Variants in ST7 observed in about 807,000 individuals in gnomAD.
ST7 encodes the protein suppressor of tumorigenicity 7 protein.
In ST7, 28 loss-of-function variants were observed where a neutral mutation model predicts 78.7. That is an observed-to-expected ratio of 0.36 (90% CI 0.26 to 0.49). ST7 has a LOEUF of 0.49. ST7 is among the 20% of genes least tolerant of loss of function. The pLI, the probability that ST7 is intolerant of heterozygous loss-of-function variation, is 0.99. For missense variants in ST7, 418 were observed against 696.0 expected, an observed-to-expected ratio of 0.60 and a Z score of 4.49; for synonymous variants, 247 against 249.6, an observed-to-expected ratio of 0.99 and a Z score of 0.10.
chr7:117,173,509 G>A (rs1272763883), intron 10 of ST7: 1 of 152,276 alleles, frequency 6.6e-6, no homozygotes, highest in East Asian at 1.9e-4. Flanking sequence ...TATCCCTGCT[G>A]CTTTTCCTGG....
chr7:117,190,872 C>A lies in ST7; in HGVS notation c.1190C>A (p.Thr397Lys). 2 of 1,614,036 alleles carry A rather than the reference C, an allele frequency of 1.2e-6. No homozygotes were observed. The highest frequency in any genetic ancestry group is 1.7e-6 in the Non-Finnish European group (2 of 1,179,994). Residue 397 changes from threonine to lysine, a missense_variant, in exon 12 of 16, where the codon ACA becomes AAA. By Grantham distance (78) the Thr-to-Lys change is moderately conservative. This residue lies in a region of ST7 where 288 missense variants were observed against 537.1 expected (regional missense o/e 0.54). Coordinates refer to ENST00000323984, the MANE Select transcript of ST7 (RefSeq NM_001369598.1). This position sits in a 1 kb window ranked among gnomAD's most constrained non-coding sequence, Gnocchi z 5.2. ...GCTGCATCTCGGCGGGGGCTGAGCA[C>A]AGCAGAGATGAATGCAGTAGAGGCC... ...PEAASRRGLS[T>K]AEMNAVEAIH...
chr7:117,014,917 G>A lies in ST7; in HGVS notation c.151+61226G>A, dbSNP rs1795537871. 7 of 1,230,840 alleles carry A rather than the reference G, an allele frequency of 5.7e-6. No individual in the cohort carries two copies. The East Asian group carries it at 2.1e-4, about 37-fold the overall frequency. The allele number at this position is 1,230,840 out of a possible 1,614,324, so 76.2% of individuals were successfully genotyped here. On this transcript the variant is annotated intron_variant, in intron 1 of 15. Coordinates refer to ENST00000323984, the MANE Select transcript of ST7 (RefSeq NM_001369598.1). ...CATGGCAGGAGGCTTCCCCAGAACG[G>A]TTCGTCAGTCCAGGGAGCCGTTTCA...
intron 9 of ST7, among the ~76,000 whole-genome samples, chr7:117,160,360 G>A (rs576049672): frequency 6.6e-6 from 1 of 152,114 alleles, no homozygotes; most frequent in Non-Finnish European, 1.5e-5. Context: ...ATGTGTCTGT[G>A]TGGGATCTCT....
intron 1 of ST7, among the ~76,000 whole-genome samples, chr7:117,007,350 C>T (rs533386894): frequency 1.2e-4 from 18 of 152,202 alleles, no homozygotes; most frequent in Admixed American, 2.6e-4. Context: ...TCCCTTAAGC[C>T]GAAGTCTAAT....
intron 1 of ST7, among the ~76,000 whole-genome samples, chr7:116,999,690 T>C (rs1388542401): frequency 6.6e-6 from 1 of 152,176 alleles, no homozygotes; most frequent in African/African-American, 2.4e-5. Context: ...CATTATCTTT[T>C]AGGACACTTT....
chr7:117,185,519 G>T (rs189050097), intron 10 of ST7, among the ~76,000 whole-genome samples: 21 of 152,336 alleles, frequency 1.4e-4, no homozygotes, highest in Non-Finnish European at 2.9e-4. Flanking sequence ...TATCCTTAGG[G>T]CATATGTTCC....
intron 1 of ST7, chr7:116,972,965 T>C: frequency 1.1e-6 from 1 of 938,412 alleles, no homozygotes; most frequent in Non-Finnish European, 1.7e-6. Context: ...CTGCTTGGTG[T>C]TGCAGCCTCC....
intron 12 of ST7, chr7:117,198,280 C>G (rs537951246): frequency 2.2e-6 from 1 of 455,028 alleles, no homozygotes; most frequent in African/African-American, 2.0e-5. Flanking sequence ...CCTTCGTTAT[C>G]TCTTCCTTTT....
In ST7 at chr7:117,015,092, C is replaced by G. The variant is rs189883173; in HGVS notation, c.151+61401C>G. On this transcript the variant is annotated intron_variant, in intron 1 of 15. Coordinates refer to ENST00000323984, the MANE Select transcript of ST7 (RefSeq NM_001369598.1). ...ATATTTTGAATTTATATTTTAAAAA[C>G]TACATTGATTGTGTGAGTACTTTAA... is the stretch of plus-strand genomic sequence containing the variant. 45 of 737,760 alleles carry G rather than the reference C, an allele frequency of 6.1e-5. No individual in the cohort carries two copies. In the East Asian group the frequency reaches 1.5e-3, roughly 24 times the overall value. The allele number at this position is 737,760 out of a possible 1,614,324, so 45.7% of individuals were successfully genotyped here. A position where few individuals can be genotyped will look rare whatever the true frequency, so the allele number is the denominator to read the frequency against.
At chr7:117,002,257 AT>A (rs1794966737) in intron 1 of ST7, among the ~76,000 whole-genome samples, 1 of 152,004 alleles carries the variant, frequency 6.6e-6, no homozygotes, top group South Asian at 2.1e-4. Flanking sequence ...AAAATACTTT[AT>A]TTATTTTATA....
chr7:117,209,011 T>C (rs1307693074), intron 12 of ST7, among the ~76,000 whole-genome samples: 2 of 151,420 alleles, frequency 1.3e-5, no homozygotes, highest in Admixed American at 1.3e-4. Flanking sequence ...AATTATAAAA[T>C]AACCTTCAAA....
chr7:116,986,647 T>C (rs766221415), intron 1 of ST7, among the ~76,000 whole-genome samples: 11 of 152,010 alleles, frequency 7.2e-5, no homozygotes, highest in Admixed American at 4.6e-4. Flanking sequence ...GGAAGGCTAG[T>C]GTGAGGGAAA....
chr7:117,017,041 G>A (rs1452571247), intron 1 of ST7, among the ~76,000 whole-genome samples: 1 of 152,068 alleles, frequency 6.6e-6, no homozygotes, highest in Non-Finnish European at 1.5e-5. Context: ...CTTCTATTAA[G>A]GCCTTTGCAT....
At chr7:116,956,163 C>T (rs1260687406) in intron 1 of ST7, among the ~76,000 whole-genome samples, 1 of 152,176 alleles carries the variant, frequency 6.6e-6, no homozygotes, top group African/African-American at 2.4e-5. Context: ...CTATTTTCTT[C>T]CCTTTTAAGT....
chr7:117,071,194 G>A (rs1375077798), intron 1 of ST7, among the ~76,000 whole-genome samples: 1 of 152,176 alleles, frequency 6.6e-6, no homozygotes, highest in Non-Finnish European at 1.5e-5. Context: ...ACTCCATCCA[G>A]CCTGGGCGAC....
chr7:117,192,357 G>T (rs895000218), intron 12 of ST7, among the ~76,000 whole-genome samples: 3 of 152,098 alleles, frequency 2.0e-5, no homozygotes, highest in African/African-American at 4.8e-5. Flanking sequence ...GAAAACTTGT[G>T]TTCCACTTGT....
intron 1 of ST7, among the ~76,000 whole-genome samples, chr7:117,015,651 G>A (rs1248439351): frequency 6.6e-6 from 1 of 152,136 alleles, no homozygotes; most frequent in Non-Finnish European, 1.5e-5. Flanking sequence ...GTGGTTACTT[G>A]ATGAGTAAGT....
intron 9 of ST7, among the ~76,000 whole-genome samples, chr7:117,160,653 G>GTGTATATATATA (rs150222080): frequency 0.042 from 6,180 of 147,500 alleles, 407 homozygotes; most frequent in African/African-American, 0.14. Context: ...GTGTGTGTGT[G>GTGTATATATATA]TATATATATA....
In ST7 at chr7:117,099,753, CT is replaced by C. The variant is rs1477444444; in HGVS notation, c.152-4del. 8 of 1,608,214 alleles carry C rather than the reference CT, an allele frequency of 5.0e-6. No homozygotes were observed. Among genetic ancestry groups the C allele is most frequent in the Non-Finnish European group, 5.9e-6 (7 of 1,177,400 alleles). ...GTTCTTCTCCCTTTCTCTCTCTTTT[CT>C]TTTTCAGTGAGCATGTTTTTGAACA... On this transcript the variant is annotated splice_polypyrimidine_tract_variant and splice_region_variant and intron_variant, in intron 1 of 15. Coordinates refer to ENST00000323984, the MANE Select transcript of ST7 (RefSeq NM_001369598.1).
Sources: gnomAD v4.1 joint callset for allele counts (sites outside exome capture counted in the v4.1 genomes callset) on GRCh38, gnomAD v4.1.1 for gene constraint, gnomAD v4.1.1 regional missense constraint, Gnocchi (gnomAD v3.1) non-coding constraint, MANE v1.5 for transcripts, NCBI Gene and HGNC (gene_info 2026-07-23, HGNC 2026-07-21) for gene names.